PRDM11: variants seen among roughly 807,000 people sequenced by gnomAD.
PRDM11 encodes the protein PR/SET domain 11, also known as PR domain-containing protein 11.
A neutral mutation model predicts 97.8 loss-of-function variants in PRDM11; 20 were observed. The observed-to-expected ratio is 0.20, with a 90% CI of 0.14 to 0.30. PRDM11 has a LOEUF of 0.30. Ranked by LOEUF, PRDM11 falls within the 10% of genes least tolerant of loss-of-function variation. The probability of loss-of-function intolerance (pLI) is 1.00; values close to 1 mark genes in which losing one functional copy is unlikely to be tolerated. For missense variants in PRDM11, 1,139 were observed against 1,555.2 expected (o/e 0.73, Z 4.50); for synonymous variants, 599 against 637.7 (o/e 0.94, Z 0.91).
intron 5 of PRDM11, among the ~76,000 whole-genome samples, chr11:45,206,871 C>T (rs1373554965): frequency 1.3e-5 from 2 of 152,218 alleles, no homozygotes; most frequent in East Asian, 3.9e-4. Flanking sequence ...GATTTGAACT[C>T]CTGGCTCTGT....
rs1413506498 is a variant in PRDM11, at chr11:45,170,393, G to T, written c.-6-11368G>T. Among the ~76,000 whole-genome samples, 8 of 152,146 alleles carry T rather than the reference G, an allele frequency of 5.3e-5. No individual in the cohort carries two copies. In the East Asian group the frequency reaches 1.5e-3, roughly 29 times the overall value. On this transcript the variant is annotated intron_variant, in intron 1 of 7. Transcript: ENST00000683152. ...AAGAAGGAGTGGTAGCAAGCATCAG[G>T]GAGTTGCAATATTATATAGGGAAGC...
chr11:45,106,737 T>G (rs1048282345), intron 1 of PRDM11, among the ~76,000 whole-genome samples: 2 of 152,188 alleles, frequency 1.3e-5, no homozygotes, highest in African/African-American at 2.4e-5. Context: ...CTGTGAGTTC[T>G]TTTTAGCACA....
At chr11:45,182,445 C>T in intron 3 of PRDM11, 96 bp downstream of exon 3, 1 of 1,126,810 alleles carries the variant, frequency 8.9e-7, no homozygotes, top group South Asian at 1.4e-5. Context: ...AAGATAGGTC[C>T]TCACCTGCAA....
At chr11:45,163,488 T>TCGG (rs11038337) in intron 1 of PRDM11, among the ~76,000 whole-genome samples, 12 of 149,690 alleles carry the variant, frequency 8.0e-5, no homozygotes, top group Admixed American at 4.0e-4. Flanking sequence ...TGCTTGAGGA[T>TCGG]GGGGGGGGGT....
rs141776981 is a variant in PRDM11 at position 45,169,232 on chromosome 11, A to G, written c.-6-12529A>G. On this transcript the variant is annotated intron_variant, in intron 1 of 7. Coordinates refer to ENST00000683152, the MANE Select transcript of PRDM11 (RefSeq NM_001384648.1). The stretch of plus-strand genomic sequence containing the variant: ...ACATACCTATCACCCAACCTCAACA[A>G]TTAATAGCCCCTAGGCATCACTAGT... Among the ~76,000 whole-genome samples the G allele has an allele frequency of 3.9e-5, 6 of 152,368 alleles. No individual in the cohort carries two copies. In the East Asian group the frequency reaches 7.7e-4, roughly 20 times the overall value.
At chr11:45,148,319 C>T (rs1851575280) in intron 1 of PRDM11, among the ~76,000 whole-genome samples, 1 of 152,134 alleles carries the variant, frequency 6.6e-6, no homozygotes, top group Admixed American at 6.6e-5. Flanking sequence ...TGTCTCCATC[C>T]CTGAGTCCAA....
chr11:45,181,343 C>T lies in PRDM11; in HGVS notation c.-6-418C>T, dbSNP rs532572168. ...GCTGCCCTGCCAGGCGCTGAGGGCC[C>T]GTTCGGTCTGCCCACTACCCCTTGG... On this transcript the variant is annotated intron_variant, in intron 1 of 7. Transcript: ENST00000683152. Among the ~76,000 whole-genome samples, 14 of 152,316 alleles carry T rather than the reference C, an allele frequency of 9.2e-5. No individual in the cohort carries two copies. In the South Asian group the frequency reaches 2.9e-3, roughly 32 times the overall value.
intron 1 of PRDM11, among the ~76,000 whole-genome samples, chr11:45,107,198 A>G (rs1425145261): frequency 6.6e-6 from 1 of 152,174 alleles, no homozygotes; most frequent in Non-Finnish European, 1.5e-5. Context: ...ACAGGTGACT[A>G]TCTCAGGGTC....
At chr11:45,108,290 C>G (rs1590340888) in intron 1 of PRDM11, among the ~76,000 whole-genome samples, 1 of 152,212 alleles carries the variant, frequency 6.6e-6, no homozygotes, top group Non-Finnish European at 1.5e-5. Context: ...GCTGCCCTGG[C>G]CTCTTACGTG....
intron 1 of PRDM11, among the ~76,000 whole-genome samples, chr11:45,138,122 G>A (rs185082451): frequency 2.3e-4 from 35 of 152,222 alleles, no homozygotes; most frequent in African/African-American, 7.7e-4. Context: ...AAATGAAAAC[G>A]CAGCCAAGGA....
chr11:45,225,965 A>G (rs1190215818), intron 7 of PRDM11, 30 bp from the exon 8 acceptor site: 6 of 1,460,298 alleles, frequency 4.1e-6, no homozygotes, highest in South Asian at 1.4e-5. Flanking sequence ...TCCCCCAGGT[A>G]TAAATGTTTC....
intron 4 of PRDM11, among the ~76,000 whole-genome samples, chr11:45,197,448 G>C (rs1590432769): frequency 6.6e-6 from 1 of 152,094 alleles, no homozygotes; most frequent in South Asian, 2.1e-4. Context: ...ATAGTTTACT[G>C]TATTGCATGC....
intron 7 of PRDM11, chr11:45,225,079 T>A (rs1854241447): frequency 1.2e-5 from 17 of 1,436,950 alleles, no homozygotes; most frequent in Non-Finnish European, 1.4e-5. Context: ...ATAAAGGAAG[T>A]TCCGCTGCAG....
intron 1 of PRDM11, among the ~76,000 whole-genome samples, chr11:45,098,820 CAG>C (rs1034810105): frequency 2.0e-5 from 3 of 152,210 alleles, no homozygotes; most frequent in African/African-American, 7.2e-5. Flanking sequence ...AAGGGCCACA[CAG>C]AGGATGTGGG....
At chr11:45,126,449 T>C (rs1268543131) in intron 1 of PRDM11, among the ~76,000 whole-genome samples, 4 of 152,186 alleles carry the variant, frequency 2.6e-5, no homozygotes, top group Admixed American at 2.0e-4. Context: ...CTTTACAATT[T>C]GGCATGGTTT....
intron 1 of PRDM11, among the ~76,000 whole-genome samples, chr11:45,102,395 C>T (rs191895939): frequency 2.0e-5 from 3 of 152,254 alleles, no homozygotes; most frequent in African/African-American, 7.2e-5. Context: ...CTGGCTTTCC[C>T]GGGGAGATGC....
chr11:45,107,638 G>A (rs1466451656), intron 1 of PRDM11, among the ~76,000 whole-genome samples: 2 of 152,172 alleles, frequency 1.3e-5, no homozygotes, highest in South Asian at 4.2e-4. Flanking sequence ...CAGGGCAGGG[G>A]TAGGGGTGGG....
At position 45,131,115 on chromosome 11, in the gene PRDM11, T is replaced by C. The variant is rs184717203; in HGVS notation, c.96+35214T>C. On this transcript the variant is annotated intron_variant, in intron 1 of 6. Coordinates refer to the PRDM11 transcript ENST00000530656. ...CAACAACATGAATGAATCACACAGATACAATGATGAGCACAAGGAGTAGGT... is the reference window on the plus strand; with the variant it reads ...CAACAACATGAATGAATCACACAGACACAATGATGAGCACAAGGAGTAGGT... 2.2e-4 allele frequency among the ~76,000 whole-genome samples: 33 copies of C among 152,148 alleles called. 1 individual carries two copies. The highest frequency in any genetic ancestry group is 4.3e-4 in the Non-Finnish European group (29 of 68,028).
chr11:45,182,886 C>T lies in PRDM11; in HGVS notation c.249C>T (p.Phe83=), dbSNP rs749230721. The change falls in exon 4 of 8, where the codon TTC becomes TTT. Residue 83 remains phenylalanine (F), a synonymous_variant. Coordinates refer to ENST00000683152, the MANE Select transcript of PRDM11 (RefSeq NM_001384648.1). ...FWFCESCQEY[F]VDECPNHGPP... ...TCTGTGAGTCCTGCCAGGAGTACTTCGTGGATGAATGCCCAAACCATGGCC... is the reference window on the plus strand; with the variant it reads ...TCTGTGAGTCCTGCCAGGAGTACTTTGTGGATGAATGCCCAAACCATGGCC... 71 of 1,603,266 alleles carry T rather than the reference C, an allele frequency of 4.4e-5. No individual in the cohort carries two copies. Among genetic ancestry groups the T allele is most frequent in the African/African-American group, 1.6e-4 (12 of 74,748 alleles).
Sources: gnomAD v4.1 joint callset for allele counts (sites outside exome capture counted in the v4.1 genomes callset) on GRCh38, gnomAD v4.1.1 for gene constraint, MANE v1.5 for transcripts, NCBI Gene and HGNC (gene_info 2026-07-23, HGNC 2026-07-21) for gene names.